Variants in BBS2 observed in about 807,000 individuals in gnomAD.
BBS2 encodes BBSome complex member BBS2.
A neutral mutation model predicts 83.0 loss-of-function variants in BBS2; 62 were observed. That is an observed-to-expected ratio of 0.75 (90% CI 0.61 to 0.92). The LOEUF (loss-of-function observed/expected upper bound fraction) is 0.92, where lower values mean the gene tolerates loss of function less well. Among genes scored for constraint, BBS2 ranks in the 40% least tolerant of loss-of-function variants. The pLI is 0.00. For synonymous variants in BBS2, 303 were observed against 326.1 expected, an observed-to-expected ratio of 0.93 and a Z score of 0.76; for missense variants, 784 against 901.0, an observed-to-expected ratio of 0.87 and a Z score of 1.66.
At chr16:56,498,210 T>G (rs1432279888) in intron 13 of BBS2, among the ~76,000 whole-genome samples, 1 of 152,156 alleles carries the variant, frequency 6.6e-6, no homozygotes, top group Non-Finnish European at 1.5e-5. Flanking sequence ...CTATTCCAAA[T>G]TATACCCCAG....
intron 17 of BBS2, among the ~76,000 whole-genome samples, chr16:56,473,754 G>T (rs1963314090): frequency 6.7e-6 from 1 of 149,662 alleles, no homozygotes; most frequent in Admixed American, 6.6e-5. Context: ...TTTTTCCTTT[G>T]GGCTTTTTGT....
intron 4 of BBS2, among the ~76,000 whole-genome samples, chr16:56,510,471 A>C (rs570942556): frequency 2.0e-5 from 3 of 152,344 alleles, no homozygotes; most frequent in African/African-American, 7.2e-5. Flanking sequence ...GAATAATTTC[A>C]AAGGCTAAAA....
At chr16:56,497,698 T>C (rs1290700506) in intron 14 of BBS2, 45 bp downstream of exon 14, 2 of 1,606,990 alleles carry the variant, frequency 1.2e-6, no homozygotes, top group African/African-American at 1.3e-5. Context: ...TCAAATATTA[T>C]TAGACTACCA....
At chr16:56,483,940 A>T (rs1963703491), downstream of BBS2, among the ~76,000 whole-genome samples, 1 of 151,176 alleles carries the variant, frequency 6.6e-6, no homozygotes. Flanking sequence ...ACCTCAGGGG[A>T]TCCACCCGCC....
chr16:56,471,953 C>T (rs1016299697), intron 17 of BBS2, among the ~76,000 whole-genome samples: 3 of 151,384 alleles, frequency 2.0e-5, no homozygotes, highest in Admixed American at 6.6e-5. Context: ...TTATCCACTT[C>T]TGTTTGTTTG....
At chr16:56,482,929 AAAG>A (rs1193846148), downstream of BBS2, among the ~76,000 whole-genome samples, 2 of 152,178 alleles carry the variant, frequency 1.3e-5, no homozygotes, top group Non-Finnish European at 2.9e-5. Flanking sequence ...CACACTTTTA[AAAG>A]AAGAAGACAT....
At position 56,520,015 on chromosome 16, in the gene BBS2, G is replaced by C. The variant is rs765406898; in HGVS notation, c.-153C>G. The C allele has an allele frequency of 4.7e-5, 32 of 687,124 alleles. No homozygotes were observed. Among genetic ancestry groups the C allele is most frequent in the Middle Eastern group, 3.7e-4 (1 of 2,704 alleles). 42.6% of individuals were successfully genotyped at this position (687,124 alleles called of 1,614,324 possible). ...AAACAGCCCGGGACGAACCCGTCCA[G>C]GTACCGCCTGCTCCTCCTGCGGCGG... On this transcript the variant is annotated 5_prime_UTR_variant, in exon 1 of 17. Coordinates refer to ENST00000245157, the MANE Select transcript of BBS2 (RefSeq NM_031885.5).
chr16:56,476,295 T>C (rs1306037913), intron 17 of BBS2: 38 of 1,245,034 alleles, frequency 3.1e-5, no homozygotes, highest in Non-Finnish European at 4.1e-5. Context: ...GAGAACTACA[T>C]GGTAGCTTGC....
Position 56,502,317 on chromosome 16 carries a change from C to A in BBS2, c.1080G>T (p.Lys360Asn), listed in dbSNP as rs1461863545. Reference sequence around the variant, plus strand: ...TGGTCACATTAGGACCTACACCTACCTTGGCATTTTCCTCATAGTTACGGA... The same window carrying A: ...TGGTCACATTAGGACCTACACCTACATTGGCATTTTCCTCATAGTTACGGA... Reference protein sequence around the residue: ...LELRNYEENAKAELASPLNEA... With the variant: ...LELRNYEENANAELASPLNEA... Residue 360 changes from lysine (K) to asparagine (N), a missense_variant and splice_region_variant, in exon 9 of 17, where the codon AAG becomes AAT. Lys to Asn is a moderately conservative substitution (Grantham distance 94). Coordinates refer to ENST00000245157, the MANE Select transcript of BBS2 (RefSeq NM_031885.5). 1 of 1,614,196 alleles carries A rather than the reference C, an allele frequency of 6.2e-7. No homozygotes were observed. Among genetic ancestry groups the A allele is most frequent in the South Asian group, 1.1e-5 (1 of 91,080 alleles).
intron 1 of BBS2, 87 bp downstream of exon 1, chr16:56,519,659 G>A (rs1448102018): frequency 3.7e-6 from 4 of 1,094,214 alleles, no homozygotes; most frequent in Non-Finnish European, 4.1e-6. Context: ...GGGCGGGGTC[G>A]GAGAGGGGAC....
In BBS2 at chr16:56,519,952, A is replaced by G; in HGVS notation, c.-90T>C. On this transcript the variant is annotated 5_prime_UTR_variant, in exon 1 of 17. Coordinates refer to ENST00000245157, the MANE Select transcript of BBS2 (RefSeq NM_031885.5). The stretch of plus-strand genomic sequence containing the variant: ...GCGCCCGGGCAAGAAGTGCAGGGAC[A>G]CTACCTGCGCGGCCCCAGCCGCCTC... 2 of 1,147,218 alleles carry G rather than the reference A, an allele frequency of 1.7e-6. No individual in the cohort carries two copies. Among genetic ancestry groups the G allele is most frequent in the Non-Finnish European group, 2.6e-6 (2 of 770,864 alleles). The allele number at this position is 1,147,218 out of a possible 1,614,324, so 71.1% of individuals were successfully genotyped here.
chr16:56,500,457 C>G (rs1964235827), intron 11 of BBS2: 1 of 259,508 alleles, frequency 3.9e-6, no homozygotes, highest in South Asian at 4.4e-5. Flanking sequence ...GAACTCCTGT[C>G]TCTACTAAAA....
intron 5 of BBS2, among the ~76,000 whole-genome samples, chr16:56,507,269 A>C (rs959387876): frequency 6.6e-6 from 1 of 152,226 alleles, no homozygotes; most frequent in Non-Finnish European, 1.5e-5. Flanking sequence ...TCATAAATTT[A>C]GCCCCAGATT....
At position 56,510,862 on chromosome 16, in the gene BBS2, T is replaced by C. The variant is rs558360994; in HGVS notation, c.531A>G (p.Lys177=). Residue 177 remains lysine (K), a synonymous_variant, in exon 4 of 17, where the codon AAA becomes AAG. Coordinates refer to ENST00000245157, the MANE Select transcript of BBS2 (RefSeq NM_031885.5). The part of the protein sequence containing the change: ...ALCDFDGDGK[K]ELLVGSEDFD... Reference sequence around the variant, plus strand: ...AGATATCTCCTCCCCCACATACCTCTTTCTTTCCATCACCATCAAAGTCAC... The same window carrying C: ...AGATATCTCCTCCCCCACATACCTCCTTCTTTCCATCACCATCAAAGTCAC... 19 of 1,614,124 alleles carry C rather than the reference T, an allele frequency of 1.2e-5. No homozygotes were observed. The highest frequency in any genetic ancestry group is 8.0e-5 in the African/African-American group (6 of 75,038).
chr16:56,485,744 C>A lies in BBS2; in HGVS notation c.1911-6G>T, dbSNP rs1000103343. On this transcript the variant is annotated splice_region_variant and splice_polypyrimidine_tract_variant and intron_variant, in intron 15 of 16. Transcript: ENST00000245157. ...AACGACTCTTCATTGTTTTCCTGTG[C>A]AAATCAGTAGAAATTTGACATCATT... 1 of 1,613,588 alleles carries A rather than the reference C, an allele frequency of 6.2e-7. No homozygotes were observed. The highest frequency in any genetic ancestry group is 1.3e-5 in the African/African-American group (1 of 74,990).
chr16:56,511,414 C>T (rs1237174532), intron 2 of BBS2, 130 bp from the exon 3 acceptor site: 24 of 1,266,662 alleles, frequency 1.9e-5, no homozygotes, highest in Non-Finnish European at 2.7e-5. Flanking sequence ...TGTGGGTGGG[C>T]CTCACACATT....
downstream of BBS2, among the ~76,000 whole-genome samples, chr16:56,480,352 C>CCAAAAAAA (rs1555519770): frequency 2.1e-4 from 16 of 76,534 alleles, no homozygotes; most frequent in East Asian, 1.6e-3. Flanking sequence ...CACACACACA[C>CCAAAAAAA]AAAAAAAAAA....
chr16:56,479,966 C>T (rs1050107448), downstream of BBS2, among the ~76,000 whole-genome samples: 4 of 152,206 alleles, frequency 2.6e-5, no homozygotes, highest in Non-Finnish European at 4.4e-5. Context: ...TCTGACTACC[C>T]GCCCTATGGG....
In BBS2 at chr16:56,502,696, A is replaced by G; in HGVS notation, c.917T>C (p.Ile306Thr). The change falls in exon 8 of 17, where the codon ATC becomes ACC. Residue 306 changes from isoleucine to threonine, a missense_variant. By Grantham distance (89) the Ile-to-Thr change is moderately conservative (BLOSUM62 -1). Transcript: ENST00000245157. ...DYRMDGHIQL[I>T]CCSVDGEIRG... Reference sequence around the variant, plus strand: ...ACTTTCCCCATCCACTGAGCAGCAGATTAACTGTATGTGGCCATCCATCCG... The same window carrying G: ...ACTTTCCCCATCCACTGAGCAGCAGGTTAACTGTATGTGGCCATCCATCCG... The G allele has an allele frequency of 1.2e-6, 2 of 1,614,204 alleles. No homozygotes were observed. Among genetic ancestry groups the G allele is most frequent in the Non-Finnish European group, 1.7e-6 (2 of 1,180,036 alleles).
Sources: allele counts gnomAD v4.1 joint callset (sites outside exome capture counted in the v4.1 genomes callset), GRCh38; gene constraint gnomAD v4.1.1; transcripts MANE v1.5; gene names NCBI Gene and HGNC (gene_info 2026-07-23, HGNC 2026-07-21).